ROBO2: variants seen among roughly 807,000 people sequenced by gnomAD.
ROBO2 encodes the protein roundabout homolog 2.
In ROBO2, 53 loss-of-function variants were observed where a neutral mutation model predicts 160.8. The observed-to-expected ratio is 0.33, with a 90% CI of 0.26 to 0.41. ROBO2 has a LOEUF of 0.41. Among genes scored for constraint, ROBO2 ranks in the 10% least tolerant of loss-of-function variants. The pLI, the probability that ROBO2 is intolerant of heterozygous loss-of-function variation, is 1.00. For missense variants in ROBO2, 1,577 were observed against 1,722.4 expected (o/e 0.92, Z 1.49); for synonymous variants, 664 against 611.7 (o/e 1.09, Z -1.26).
chr3:77,358,162 A>G lies in ROBO2; in HGVS notation c.389-119252A>G, dbSNP rs181471751. On this transcript the variant is annotated intron_variant, in intron 2 of 25. Transcript: ENST00000461745. ...AATTGTCAGAATAATTCTGGAGTCT[A>G]GAAGTTTGAAATCAAAATGTCAGCA... Among the ~76,000 whole-genome samples the G allele has an allele frequency of 2.6e-5, 4 of 152,324 alleles. No individual in the cohort carries two copies. The East Asian group carries it at 7.7e-4, about 29-fold the overall frequency.
chr3:76,316,751 A>G (rs2072064582), intron 2 of ROBO2, among the ~76,000 whole-genome samples: 1 of 152,230 alleles, frequency 6.6e-6, no homozygotes, highest in African/African-American at 2.4e-5. Flanking sequence ...TGAAGTGAAG[A>G]CAGGTGTAAG....
chr3:77,003,701 C>T (rs753925905), intron 2 of ROBO2, among the ~76,000 whole-genome samples: 2 of 152,106 alleles, frequency 1.3e-5, no homozygotes, highest in Non-Finnish European at 2.9e-5. Context: ...AAGCGCCTGC[C>T]ACCACACCCG....
chr3:76,270,330 A>C (rs193246854), intron 2 of ROBO2, among the ~76,000 whole-genome samples: 1 of 152,158 alleles, frequency 6.6e-6, no homozygotes, highest in Admixed American at 6.6e-5. Context: ...CCATAGATAT[A>C]ATAGACATTC....
intron 2 of ROBO2, among the ~76,000 whole-genome samples, chr3:76,485,715 A>G (rs944853148): frequency 6.6e-6 from 1 of 152,148 alleles, no homozygotes; most frequent in African/African-American, 2.4e-5. Context: ...CTGAAGTAAA[A>G]CTGTCTAGAA....
At position 76,218,579 on chromosome 3, in the gene ROBO2, T is replaced by A. The variant is rs571011649; in HGVS notation, c.109+280977T>A. On this transcript the variant is annotated intron_variant, in intron 2 of 26. Transcript: ENST00000487694. ...CCATTCATAATTGCTTCAAAGAGAATAAAATACCTAGGAATCCAACTTACA... is the reference window on the plus strand; with the variant it reads ...CCATTCATAATTGCTTCAAAGAGAAAAAAATACCTAGGAATCCAACTTACA... 1.2e-4 allele frequency among the ~76,000 whole-genome samples: 18 copies of A among 152,184 alleles called. No homozygotes were observed. In the East Asian group the frequency reaches 3.3e-3, roughly 28 times the overall value.
In ROBO2 at chr3:76,871,200, G is replaced by GT. The variant is rs1174246227; in HGVS notation, c.110-226809dup. Among the ~76,000 whole-genome samples the GT allele has an allele frequency of 2.0e-5, 3 of 152,280 alleles. No individual in the cohort carries two copies. In the East Asian group the frequency reaches 5.8e-4, roughly 29 times the overall value. ...ATTCCTTAAATAACCGTATACTTTA[G>GT]TTTTTAACACCTCTGCACTTTGTGA... On this transcript the variant is annotated intron_variant, in intron 2 of 26. Transcript: ENST00000487694.
rs371039263 is a variant in ROBO2, at chr3:76,720,759, C to T, written c.110-377255C>T. Among the ~76,000 whole-genome samples the T allele has an allele frequency of 2.8e-4, 43 of 152,232 alleles. No homozygotes were observed. The South Asian group carries it at 8.3e-3, about 29-fold the overall frequency. On this transcript the variant is annotated intron_variant, in intron 2 of 26. Transcript: ENST00000487694. ...TTAAAATAGAGATTTAGGAGATTAGCGATTTGCCCACTCTCTTTTGCAAAG... is the reference window on the plus strand; with the variant it reads ...TTAAAATAGAGATTTAGGAGATTAGTGATTTGCCCACTCTCTTTTGCAAAG...
chr3:77,228,165 T>G (rs919067686), intron 2 of ROBO2, among the ~76,000 whole-genome samples: 1 of 152,138 alleles, frequency 6.6e-6, no homozygotes. Context: ...AATTTTATTT[T>G]TATTTTTGTT....
At chr3:76,242,080 G>T (rs1057182130) in intron 2 of ROBO2, among the ~76,000 whole-genome samples, 4 of 152,134 alleles carry the variant, frequency 2.6e-5, no homozygotes. Flanking sequence ...CTAAATGACT[G>T]AAAACTTTGA....
At chr3:76,997,579 T>C (rs1578145228) in intron 2 of ROBO2, among the ~76,000 whole-genome samples, 2 of 152,258 alleles carry the variant, frequency 1.3e-5, no homozygotes, top group Middle Eastern at 3.4e-3. Flanking sequence ...ATGAAAGCAA[T>C]GTAATTATTG....
chr3:76,160,743 G>T (rs1215818636), intron 2 of ROBO2, among the ~76,000 whole-genome samples: 2 of 151,962 alleles, frequency 1.3e-5, no homozygotes, highest in East Asian at 3.9e-4. Context: ...TTCAAACTGA[G>T]GTCTTATCCT....
intron 1 of ROBO2, among the ~76,000 whole-genome samples, chr3:77,091,429 A>G (rs766802607): frequency 6.6e-6 from 1 of 152,174 alleles, no homozygotes; most frequent in Non-Finnish European, 1.5e-5. Context: ...GTAAAATATC[A>G]AATATTTTAT....
chr3:77,270,644 G>T (rs1560391087), intron 2 of ROBO2, among the ~76,000 whole-genome samples: 1 of 152,036 alleles, frequency 6.6e-6, no homozygotes, highest in East Asian at 1.9e-4. Context: ...AATTTGTTTT[G>T]TTTTTTAGAA....
chr3:76,472,430 T>C (rs2078714393), intron 2 of ROBO2, among the ~76,000 whole-genome samples: 1 of 151,932 alleles, frequency 6.6e-6, no homozygotes, highest in African/African-American at 2.4e-5. Flanking sequence ...AAAAGAAATT[T>C]GTTACGCAAA....
chr3:76,051,085 C>T (rs1576639595), intron 2 of ROBO2, among the ~76,000 whole-genome samples: 1 of 152,028 alleles, frequency 6.6e-6, no homozygotes, highest in South Asian at 2.1e-4. Context: ...GAATCTTACA[C>T]TGTTTGTTAT....
chr3:77,527,489 C>A, intron 6 of ROBO2, 75 bp downstream of exon 7: 1 of 1,015,278 alleles, frequency 9.8e-7, no homozygotes, highest in Non-Finnish European at 1.3e-6. Flanking sequence ...TAAGATTTGA[C>A]AGAATGAAAT....
chr3:77,107,213 C>A (rs1324968967), intron 2 of ROBO2, among the ~76,000 whole-genome samples: 1 of 152,146 alleles, frequency 6.6e-6, no homozygotes, highest in Non-Finnish European at 1.5e-5. Context: ...TCCAAACGCT[C>A]CACCTTCAGT....
intron 2 of ROBO2, among the ~76,000 whole-genome samples, chr3:76,125,123 T>A (rs2070920018): frequency 6.6e-6 from 1 of 152,180 alleles, no homozygotes; most frequent in South Asian, 2.1e-4. Flanking sequence ...CTACATTAAT[T>A]TGTTTAGGAT....
chr3:77,320,718 T>C (rs2064587818), intron 2 of ROBO2, among the ~76,000 whole-genome samples: 2 of 152,152 alleles, frequency 1.3e-5, no homozygotes, highest in Admixed American at 6.6e-5. Flanking sequence ...AAAAAAACTT[T>C]TGTTGCGTTT....
Sources: allele counts gnomAD v4.1 joint callset (sites outside exome capture counted in the v4.1 genomes callset), GRCh38; gene constraint gnomAD v4.1.1; transcripts MANE v1.5; gene names NCBI Gene and HGNC (gene_info 2026-07-23, HGNC 2026-07-21).